Variants in DPYS observed in about 807,000 individuals in gnomAD.
DPYS encodes dihydropyrimidine amidohydrolase.
A neutral mutation model predicts 50.3 loss-of-function variants in DPYS; 39 were observed. That is an observed-to-expected ratio of 0.78 (90% confidence interval 0.60 to 1.01). DPYS has a LOEUF of 1.01. Ranked by LOEUF, DPYS falls within the 50% of genes least tolerant of loss-of-function variation. The pLI is 0.00. For missense variants in DPYS, 659 were observed against 680.9 expected, an observed-to-expected ratio of 0.97 and a Z score of 0.36; for synonymous variants, 245 against 250.7, an observed-to-expected ratio of 0.98 and a Z score of 0.22.
At chr8:104,414,502 A>C (rs755231151) in intron 7 of DPYS, among the ~76,000 whole-genome samples, 1 of 150,586 alleles carries the variant, frequency 6.6e-6, no homozygotes, top group Non-Finnish European at 1.5e-5. Context: ...TCTGCTCTTA[A>C]AAAAAAAATA....
chr8:104,429,810 C>T, intron 4 of DPYS, 109 bp from the exon 5 acceptor site: 3 of 1,344,632 alleles, frequency 2.2e-6, no homozygotes, highest in Non-Finnish European at 3.1e-6. Flanking sequence ...GTAATATCTA[C>T]AGTTTAGCAG....
intron 7 of DPYS, among the ~76,000 whole-genome samples, chr8:104,413,438 G>C (rs772415921): frequency 6.6e-6 from 1 of 152,048 alleles, no homozygotes; most frequent in Admixed American, 6.6e-5. Flanking sequence ...TTGTTGAGAT[G>C]AGGAAGGAGA....
chr8:104,399,644 T>C (rs1448322514), intron 7 of DPYS, among the ~76,000 whole-genome samples: 2 of 151,394 alleles, frequency 1.3e-5, no homozygotes, highest in African/African-American at 4.9e-5. Flanking sequence ...CCGAGGTGGG[T>C]GGATCACGAG....
intron 8 of DPYS, among the ~76,000 whole-genome samples, chr8:104,392,527 A>G (rs771630776): frequency 7.9e-5 from 12 of 152,112 alleles, no homozygotes; most frequent in Non-Finnish European, 1.6e-4. Context: ...CAATTGCCAA[A>G]AGCCCCCACC....
In DPYS at chr8:104,466,861, C is replaced by T. The variant is rs1814430770; in HGVS notation, c.60G>A (p.Ser20=). 2.6e-6 allele frequency: 4 copies of T among 1,526,228 alleles called. No homozygotes were observed. Among genetic ancestry groups the T allele is most frequent in the East Asian group, 5.0e-5 (2 of 39,784 alleles). The allele number at this position is 1,526,228 out of a possible 1,614,324, so 94.5% of individuals were successfully genotyped here. Residue 20 remains serine, a synonymous_variant, in exon 1 of 10, where the codon TCG becomes TCA. Coordinates refer to ENST00000351513, the MANE Select transcript of DPYS (RefSeq NM_001385.3). The part of the protein sequence containing the change: ...RGGRVVNDDF[S]EVADVLVEDG... ...CCTCCACCAGCACGTCGGCCACCTCCGAGAAGTCATCGTTGACCACGCGAC... is the reference window on the plus strand; with the variant it reads ...CCTCCACCAGCACGTCGGCCACCTCTGAGAAGTCATCGTTGACCACGCGAC...
At chr8:104,381,160 C>A (rs957285733) in intron 9 of DPYS, 24 bp downstream of exon 9, 17 of 1,592,536 alleles carry the variant, frequency 1.1e-5, no homozygotes, top group South Asian at 2.2e-5. Flanking sequence ...TGCAGGAAGA[C>A]TTTTCTTGCC....
At chr8:104,381,410 A>G (rs1811032627) in intron 8 of DPYS, 96 bp from the exon 9 acceptor site, 1 of 1,152,734 alleles carries the variant, frequency 8.7e-7, no homozygotes, top group African/African-American at 1.5e-5. Context: ...CTTTAAAAAA[A>G]GAATCTTATA....
At chr8:104,420,700 CAAAAAAA>C (rs34835869) in intron 7 of DPYS, 9 of 91,608 alleles carry the variant, frequency 9.8e-5, no homozygotes, top group Non-Finnish European at 2.0e-4. Context: ...TTCCACTTTT[CAAAAAAA>C]AAAAAAAAAA....
At chr8:104,398,414 T>G (rs946078230) in intron 7 of DPYS, among the ~76,000 whole-genome samples, 11 of 152,384 alleles carry the variant, frequency 7.2e-5, no homozygotes, top group African/African-American at 2.6e-4. Context: ...GCATCAGTCC[T>G]GGCTGCTCAG....
intron 6 of DPYS, among the ~76,000 whole-genome samples, chr8:104,425,687 C>T (rs1812699371): frequency 6.6e-6 from 1 of 152,078 alleles, no homozygotes; most frequent in South Asian, 2.1e-4. Flanking sequence ...TGAAGTTTTA[C>T]ATGAACCAAC....
At chr8:104,402,219 C>A (rs1811840840) in intron 7 of DPYS, among the ~76,000 whole-genome samples, 1 of 152,130 alleles carries the variant, frequency 6.6e-6, no homozygotes, top group African/African-American at 2.4e-5. Context: ...ACTGAGCAAA[C>A]AGAGGTATTT....
chr8:104,430,763 T>C (rs1163614812), intron 4 of DPYS, among the ~76,000 whole-genome samples: 2 of 152,184 alleles, frequency 1.3e-5, no homozygotes, highest in Non-Finnish European at 2.9e-5. Context: ...GCAAGGCTTA[T>C]TGAAGCCTAA....
intron 8 of DPYS, among the ~76,000 whole-genome samples, chr8:104,382,043 T>C (rs1811069393): frequency 6.6e-6 from 1 of 152,322 alleles, no homozygotes; most frequent in South Asian, 2.1e-4. Context: ...AGTTAATTAA[T>C]GCCTCCAGGC....
chr8:104,419,071 C>T (rs1291431352), intron 7 of DPYS: 1 of 985,452 alleles, frequency 1.0e-6, no homozygotes, highest in Non-Finnish European at 1.2e-6. Context: ...TGAAGGGGCA[C>T]TTAAAGAAAA....
At chr8:104,406,077 T>C (rs1811987078) in intron 7 of DPYS, among the ~76,000 whole-genome samples, 1 of 152,178 alleles carries the variant, frequency 6.6e-6, no homozygotes, top group African/African-American at 2.4e-5. Flanking sequence ...CGTCAGTAAG[T>C]GGAGGGACAG....
Position 104,381,239 on chromosome 8 carries a change from C to T in DPYS, c.1519G>A (p.Glu507Lys). Residue 507 changes from glutamate to lysine, a missense_variant, in exon 9 of 10, where the codon GAA becomes AAA. Transcript: ENST00000351513. Reference protein sequence around the residue: ...VATLKSRVTKEDATAGTRKQA... With the variant: ...VATLKSRVTKKDATAGTRKQA... ...TTCCTGGTCCCTGCTGTGGCATCTTCTTTTGTCACTCTGGATTTCAGTGTG... is the reference window on the plus strand; with the variant it reads ...TTCCTGGTCCCTGCTGTGGCATCTTTTTTTGTCACTCTGGATTTCAGTGTG... 6.2e-7 allele frequency: 1 copy of T among 1,614,146 alleles called. No individual in the cohort carries two copies.
intron 2 of DPYS, among the ~76,000 whole-genome samples, chr8:104,450,768 A>G (rs936579088): frequency 1.3e-5 from 2 of 152,212 alleles, no homozygotes; most frequent in African/African-American, 4.8e-5. Context: ...CTTCCTCTCT[A>G]AAGAAGGCTC....
At chr8:104,466,310 A>T (rs929663037) in intron 1 of DPYS, among the ~76,000 whole-genome samples, 2 of 152,184 alleles carry the variant, frequency 1.3e-5, no homozygotes, top group African/African-American at 4.8e-5. Context: ...TCCACAGAAC[A>T]CCAATCAAAA....
chr8:104,444,423 C>T lies in DPYS; in HGVS notation c.618G>A (p.Met206Ile), dbSNP rs369317973. The T allele has an allele frequency of 1.1e-5, 18 of 1,614,092 alleles. No individual in the cohort carries two copies. The highest frequency in any genetic ancestry group is 1.5e-5 in the Non-Finnish European group (18 of 1,180,056). ...GDLIAEGAKK[M>I]LALGITGPEG... ...CAGGGCCTGTTATCCCCAGAGCCAA[C>T]ATCTTCTTTGCTCCCTAAAAAGACA... Residue 206 changes from methionine to isoleucine, a missense_variant, in exon 4 of 10, where the codon ATG becomes ATA. Physicochemically the swap from Met to Ile is conservative, Grantham distance 10. Transcript: ENST00000351513.
Sources: allele counts gnomAD v4.1 joint callset (sites outside exome capture counted in the v4.1 genomes callset), GRCh38; gene constraint gnomAD v4.1.1; transcripts MANE v1.5; gene names NCBI Gene and HGNC (gene_info 2026-07-23, HGNC 2026-07-21).